FECH: variants seen among roughly 807,000 people sequenced by gnomAD.
The protein encoded by FECH is ferrochelatase.
Under a neutral mutation model 56.9 loss-of-function variants are expected in FECH, and 40 were observed. The ratio of observed to expected loss-of-function variants is 0.70; its 90% CI spans 0.55 to 0.92. FECH has a LOEUF of 0.92. FECH is among the 40% of genes least tolerant of loss of function. FECH has a pLI of 0.00. For missense variants in FECH, 431 were observed against 529.1 expected, an observed-to-expected ratio of 0.81 and a Z score of 1.82; for synonymous variants, 175 against 198.6, an observed-to-expected ratio of 0.88 and a Z score of 1.00.
chr18:57,561,351 C>G (rs1315105151), intron 6 of FECH, among the ~76,000 whole-genome samples: 1 of 152,180 alleles, frequency 6.6e-6, no homozygotes, highest in Non-Finnish European at 1.5e-5. Flanking sequence ...TATCCAAAGC[C>G]TAGTGTTTTT....
chr18:57,566,479 G>C lies in FECH; in HGVS notation c.566C>G (p.Thr189Arg). The change falls in exon 5 of 11, where the codon ACA becomes AGA. Residue 189 changes from threonine (T) to arginine (R), a missense_variant. By Grantham distance (71) the Thr-to-Arg change is moderately conservative (BLOSUM62 -1). Coordinates refer to ENST00000262093, the MANE Select transcript of FECH (RefSeq NM_000140.5). Reference sequence around the variant, plus strand: ...GGAGCAGCTGTACTGTGGATACTGTGTGAAAGCAATAGCCCTTTCTAGGCC... The same window carrying C: ...GGAGCAGCTGTACTGTGGATACTGTCTGAAAGCAATAGCCCTTTCTAGGCC... ...RDGLERAIAF[T>R]QYPQYSCSTT... is the part of the protein sequence containing the mutation. The C allele has an allele frequency of 6.2e-7, 1 of 1,614,176 alleles. No homozygotes were observed. Among genetic ancestry groups the C allele is most frequent in the African/African-American group, 1.3e-5 (1 of 75,052 alleles).
chr18:57,546,370 A>G lies in FECH; in HGVS notation c.*4342T>C, dbSNP rs972802455. ...GCATCGACAGGAGCTCATACGGCAG[A>G]GCCCCTAGGAATGCAGGTGCCCCCA... On this transcript the variant is annotated 3_prime_UTR_variant, in exon 11 of 11. Coordinates refer to ENST00000262093, the MANE Select transcript of FECH (RefSeq NM_000140.5). 6.6e-6 allele frequency among the ~76,000 whole-genome samples: 1 copy of G among 151,930 alleles called. No homozygotes were observed. Among genetic ancestry groups the G allele is most frequent in the East Asian group, 1.9e-4 (1 of 5,178 alleles).
At chr18:57,557,696 C>T (rs1287929731) in intron 7 of FECH, among the ~76,000 whole-genome samples, 2 of 152,066 alleles carry the variant, frequency 1.3e-5, no homozygotes, top group African/African-American at 4.8e-5. Flanking sequence ...ACTCAAGAGG[C>T]TGTGGCAGGA....
rs750467706 is a variant in FECH, at chr18:57,566,555, G to A, written c.490C>T (p.Arg164Trp). The change falls in exon 5 of 11, where the codon CGG becomes TGG. Residue 164 changes from arginine to tryptophan, a missense_variant. Coordinates refer to ENST00000262093, the MANE Select transcript of FECH (RefSeq NM_000140.5). ...TCTTCTGTTAAAGGATGGACGTACCGAAATCCAATATAGTATTTGTGAGGG... is the reference window on the plus strand; with the variant it reads ...TCTTCTGTTAAAGGATGGACGTACCAAAATCCAATATAGTATTTGTGAGGG... ...TAPHKYYIGF[R>W]YVHPLTEEAI... 15 of 1,614,134 alleles carry A rather than the reference G, an allele frequency of 9.3e-6. No homozygotes were observed. The highest frequency in any genetic ancestry group is 3.3e-5 in the South Asian group (3 of 91,086).
At position 57,573,358 on chromosome 18, in the gene FECH, T is replaced by C. The variant is rs756377185; in HGVS notation, c.202A>G (p.Lys68Glu). 8.1e-6 allele frequency: 13 copies of C among 1,614,166 alleles called. No individual in the cohort carries two copies. Reference protein sequence around the residue: ...PQVQPQKRKPKTGILMLNMGG... With the variant: ...PQVQPQKRKPETGILMLNMGG... ...ATGTTTAGCATTAATATTCCAGTTT[T>C]CGGCTTCCTATATAAAATAAAATAC... Residue 68 changes from lysine to glutamate, a missense_variant, in exon 3 of 11, where the codon AAA (lysine) becomes GAA (glutamate). Lys to Glu is a moderately conservative substitution (Grantham distance 56). Coordinates refer to ENST00000262093, the MANE Select transcript of FECH (RefSeq NM_000140.5).
chr18:57,551,271 C>T (rs1394175997), intron 10 of FECH, 44 bp downstream of exon 10: 2 of 1,376,064 alleles, frequency 1.5e-6, no homozygotes, highest in African/African-American at 2.8e-5. Context: ...CAGAGGATTA[C>T]TCTCTGGTAT....
intron 2 of FECH, among the ~76,000 whole-genome samples, chr18:57,573,901 A>G (rs1029583138): frequency 1.3e-5 from 2 of 152,222 alleles, no homozygotes; most frequent in Non-Finnish European, 2.9e-5. Flanking sequence ...GGTTCCCCCA[A>G]AATTTTAAAC....
rs933161357 is a variant in FECH at position 57,548,844 on chromosome 18, T to C, written c.*1868A>G. On this transcript the variant is annotated 3_prime_UTR_variant, in exon 11 of 11. Coordinates refer to ENST00000262093, the MANE Select transcript of FECH (RefSeq NM_000140.5). ...TAGCAAATAAGTGCTTCAGATATAC[T>C]CGCAAGGGCTCCTGAATTGGAGTTT... The C allele has an allele frequency of 6.6e-6, 1 of 152,230 alleles. No individual in the cohort carries two copies. The highest frequency in any genetic ancestry group is 2.4e-5 in the African/African-American group (1 of 41,450). 9.4% of individuals were successfully genotyped at this position (152,230 alleles called of 1,614,324 possible).
intron 9 of FECH, among the ~76,000 whole-genome samples, chr18:57,553,180 G>T (rs188464073): frequency 1.8e-4 from 28 of 152,304 alleles, no homozygotes; most frequent in African/African-American, 6.5e-4. Context: ...AGCTCATAGT[G>T]AGATACAGAA....
intron 10 of FECH, chr18:57,551,070 C>T (rs2050791115): frequency 1.6e-6 from 1 of 639,502 alleles, no homozygotes; most frequent in Admixed American, 2.8e-5. Flanking sequence ...TCTTACCCTA[C>T]CCACTAGGCC....
rs2050747754 is a variant in FECH at position 57,548,352 on chromosome 18, T to A, written c.*2360A>T. 1 of 152,158 alleles carries A rather than the reference T, an allele frequency of 6.6e-6. No homozygotes were observed. The allele number at this position is 152,158 out of a possible 1,614,324, so 9.4% of individuals were successfully genotyped here. ...TTGTGATTTTTAAAAAGTTAAGTAG[T>A]TCAAGAATGCATATTCTTTAGAAGA... On this transcript the variant is annotated 3_prime_UTR_variant, in exon 11 of 11. Coordinates refer to ENST00000262093, the MANE Select transcript of FECH (RefSeq NM_000140.5).
chr18:57,550,474 C>A lies in FECH; in HGVS notation c.*238G>T, dbSNP rs2050782516. 8.2e-6 allele frequency: 4 copies of A among 486,802 alleles called. No homozygotes were observed. The South Asian group carries it at 9.3e-5, about 11-fold the overall frequency. The allele number at this position is 486,802 out of a possible 1,614,324, so 30.2% of individuals were successfully genotyped here. A position where few individuals can be genotyped will look rare whatever the true frequency, so the allele number is the denominator to read the frequency against. On this transcript the variant is annotated 3_prime_UTR_variant, in exon 11 of 11. Transcript: ENST00000262093. ...TTTATTAAAGGTCCTGATGGACATT[C>A]CAAACTAGTAACTTATACCTAGAGA...
chr18:57,573,714 ATG>A (rs2051147280), intron 2 of FECH, among the ~76,000 whole-genome samples: 1 of 152,236 alleles, frequency 6.6e-6, no homozygotes. Context: ...GCACCTGTAC[ATG>A]TGAGTACCAT....
At chr18:57,580,299 A>C in intron 1 of FECH, 100 bp from the exon 2 acceptor site, 2 of 1,437,670 alleles carry the variant, frequency 1.4e-6, no homozygotes, top group Admixed American at 3.8e-5. Flanking sequence ...ATTTAAAGAG[A>C]TCCCATGGCA....
intron 4 of FECH, chr18:57,567,968 G>T (rs759955790): frequency 2.6e-5 from 4 of 152,192 alleles, no homozygotes; most frequent in African/African-American, 9.7e-5. Flanking sequence ...GCATAAAATG[G>T]TCACTAGCAG....
At chr18:57,559,506 G>A (rs1035630330) in intron 6 of FECH, among the ~76,000 whole-genome samples, 2 of 152,168 alleles carry the variant, frequency 1.3e-5, no homozygotes, top group East Asian at 3.9e-4. Context: ...AATGCGCGCT[G>A]TGGATCTGCT....
chr18:57,572,628 C>T (rs113292414), intron 3 of FECH, among the ~76,000 whole-genome samples: 2,617 of 129,966 alleles, frequency 0.02, 42 homozygotes, highest in South Asian at 0.049. Flanking sequence ...TGTATGTGCG[C>T]GTGTGTGTGT....
rs11383428 is a variant in FECH at position 57,584,325 on chromosome 18, CA to C, written c.67+2228del. 3.0e-4 allele frequency among the ~76,000 whole-genome samples: 30 copies of C among 99,856 alleles called. 1 individual carries two copies. In the Middle Eastern group the frequency reaches 0.021, roughly 70 times the overall value. 65.5% of individuals were successfully genotyped at this position (99,856 alleles called of 152,430 possible). On this transcript the variant is annotated intron_variant, in intron 1 of 10. Transcript: ENST00000262093. ...TAGGCAACAGAGTGAGACTCGGTCT[CA>C]AAAAAAAAAAAAAAAAAAACTCTCA...
intron 1 of FECH, 118 bp downstream of exon 1, chr18:57,586,436 A>AC: frequency 1.8e-6 from 2 of 1,120,924 alleles, no homozygotes; most frequent in East Asian, 6.1e-5. Context: ...TGCTCGCAGC[A>AC]CCCCCAAGGC....
Sources: allele counts gnomAD v4.1 joint callset (sites outside exome capture counted in the v4.1 genomes callset), GRCh38; gene constraint gnomAD v4.1.1; transcripts MANE v1.5; gene names NCBI Gene and HGNC (gene_info 2026-07-23, HGNC 2026-07-21).